LIMD1: variants seen among roughly 807,000 people sequenced by gnomAD.
LIMD1 encodes LIM domain containing 1.
LIMD1 carries 23 observed loss-of-function variants against 58.4 expected under a neutral mutation model. The observed-to-expected ratio is 0.39, with a 90% CI of 0.28 to 0.56. The LOEUF is 0.56. Among genes scored for constraint, LIMD1 ranks in the 20% least tolerant of loss-of-function variants. The pLI is 0.57. For synonymous variants in LIMD1, 334 were observed against 345.5 expected, an observed-to-expected ratio of 0.97 and a Z score of 0.37; for missense variants, 838 against 855.5, an observed-to-expected ratio of 0.98 and a Z score of 0.25.
intron 2 of LIMD1, among the ~76,000 whole-genome samples, chr3:45,637,696 G>A (rs1701802714): frequency 6.6e-6 from 1 of 152,224 alleles, no homozygotes; most frequent in Non-Finnish European, 1.5e-5. Context: ...GGAAGGGGAA[G>A]AACTTGCTCA....
intron 2 of LIMD1, among the ~76,000 whole-genome samples, chr3:45,659,356 TG>T (rs1317829290): frequency 6.6e-6 from 1 of 152,180 alleles, no homozygotes; most frequent in Non-Finnish European, 1.5e-5. Flanking sequence ...AATCCTGAGA[TG>T]GGCTGATCAC....
intron 1 of LIMD1, among the ~76,000 whole-genome samples, chr3:45,597,660 T>C (rs552810056): frequency 3.3e-4 from 51 of 152,306 alleles, no homozygotes; most frequent in South Asian, 6.2e-4. Context: ...TTGACCCCCG[T>C]GTTCCCCATA....
At chr3:45,650,171 C>T (rs189232680) in intron 2 of LIMD1, among the ~76,000 whole-genome samples, 7 of 152,074 alleles carry the variant, frequency 4.6e-5, no homozygotes, top group Admixed American at 2.6e-4. Flanking sequence ...ATGCCCATTT[C>T]GTTATTTAAA....
intron 1 of LIMD1, among the ~76,000 whole-genome samples, chr3:45,614,117 T>G (rs1428212685): frequency 6.6e-6 from 1 of 152,204 alleles, no homozygotes; most frequent in East Asian, 1.9e-4. Flanking sequence ...TTTATTCCTT[T>G]CTTGATAGTG....
chr3:45,634,140 A>G lies in LIMD1; in HGVS notation c.1409-2010A>G, dbSNP rs117199877. 3.0e-3 allele frequency among the ~76,000 whole-genome samples: 451 copies of G among 152,340 alleles called. 14 individuals are homozygous for G. In the East Asian group the frequency reaches 0.055, roughly 19 times the overall value. On this transcript the variant is annotated intron_variant, in intron 1 of 7. Transcript: ENST00000273317. ...TTTGAGACGACCTTTTAAAATCTGT[A>G]AAGTAATGAATGCCTGCTGTCTTAT... is the stretch of plus-strand genomic sequence containing the variant.
intron 7 of LIMD1, among the ~76,000 whole-genome samples, chr3:45,676,398 C>T (rs368166715): frequency 6.6e-6 from 1 of 151,520 alleles, no homozygotes; most frequent in Non-Finnish European, 1.5e-5. Context: ...ATATGTTGTA[C>T]GTGTGCCAGG....
At chr3:45,670,067 T>C (rs2125669937) in intron 4 of LIMD1, among the ~76,000 whole-genome samples, 1 of 152,280 alleles carries the variant, frequency 6.6e-6, no homozygotes, top group South Asian at 2.1e-4. Flanking sequence ...AAGACCTCCC[T>C]GGGAAACGTG....
At chr3:45,663,762 T>A (rs970091835) in intron 2 of LIMD1, among the ~76,000 whole-genome samples, 1 of 151,970 alleles carries the variant, frequency 6.6e-6, no homozygotes, top group African/African-American at 2.4e-5. Context: ...TGAGACAGAG[T>A]CTTGCTCTGT....
chr3:45,656,587 G>A (rs1425722526), intron 2 of LIMD1, among the ~76,000 whole-genome samples: 1 of 151,024 alleles, frequency 6.6e-6, no homozygotes, highest in Non-Finnish European at 1.5e-5. Context: ...GTGCAATCTC[G>A]GCTCACTGCA....
chr3:45,651,337 A>C (rs1418692878), intron 2 of LIMD1, among the ~76,000 whole-genome samples: 2 of 152,064 alleles, frequency 1.3e-5, no homozygotes, highest in African/African-American at 4.8e-5. Context: ...CTTTAGTTTA[A>C]TTAGATCCCA....
rs373483246 is a variant in LIMD1, at chr3:45,604,929, AT to A, written c.1408+8643del. ...GCTCTTTCCATTAACAGTCCAGAAC[AT>A]GAAACGGTTATTTTGACATGATCAT... On this transcript the variant is annotated intron_variant, in intron 1 of 7. Coordinates refer to ENST00000273317, the MANE Select transcript of LIMD1 (RefSeq NM_014240.3). 4.6e-5 allele frequency among the ~76,000 whole-genome samples: 7 copies of A among 152,368 alleles called. No homozygotes were observed. The South Asian group carries it at 1.0e-3, about 23-fold the overall frequency.
Position 45,682,340 on chromosome 3 carries a change from C to G in LIMD1, c.*5281C>G, listed in dbSNP as rs1425920423. The G allele has an allele frequency of 6.6e-6, 1 of 152,174 alleles. No individual in the cohort carries two copies. Among genetic ancestry groups the G allele is most frequent in the African/African-American group, 2.4e-5 (1 of 41,430 alleles). The allele number at this position is 152,174 out of a possible 1,614,324, so 9.4% of individuals were successfully genotyped here. A position where few individuals can be genotyped will look rare whatever the true frequency, so the allele number is the denominator to read the frequency against. ...CCTCTGGGGCAAAAAATTAAAAAGC[C>G]TTGATATGGAGTGTTTGCTGATACC... On this transcript the variant is annotated 3_prime_UTR_variant, in exon 8 of 8. Transcript: ENST00000273317.
In LIMD1 at chr3:45,683,713, C is replaced by T. The variant is rs914566402; in HGVS notation, c.*6654C>T. 2.0e-5 allele frequency: 3 copies of T among 152,190 alleles called. No individual in the cohort carries two copies. Among genetic ancestry groups the T allele is most frequent in the African/African-American group, 7.2e-5 (3 of 41,444 alleles). 9.4% of individuals were successfully genotyped at this position (152,190 alleles called of 1,614,324 possible). ...GAAACCTCTAGAGGGTATTTAAATCCCAGAAAATTCTGTAACCGGGTTCTT... is the reference window on the plus strand; with the variant it reads ...GAAACCTCTAGAGGGTATTTAAATCTCAGAAAATTCTGTAACCGGGTTCTT... On this transcript the variant is annotated 3_prime_UTR_variant, in exon 8 of 8. Transcript: ENST00000273317.
intron 1 of LIMD1, among the ~76,000 whole-genome samples, chr3:45,622,690 A>G (rs1245478951): frequency 6.6e-6 from 1 of 150,564 alleles, no homozygotes; most frequent in African/African-American, 2.4e-5. Context: ...TTTTTTTTAA[A>G]CAGAGTCTCA....
chr3:45,670,834 A>C (rs1697578403), intron 4 of LIMD1, among the ~76,000 whole-genome samples: 1 of 152,180 alleles, frequency 6.6e-6, no homozygotes, highest in African/African-American at 2.4e-5. Flanking sequence ...CTTTTAGTGA[A>C]TGTCTAGACA....
intron 1 of LIMD1, among the ~76,000 whole-genome samples, chr3:45,630,356 C>G (rs1701714999): frequency 6.6e-6 from 1 of 152,186 alleles, no homozygotes; most frequent in Admixed American, 6.5e-5. Flanking sequence ...AAGGGCATGG[C>G]CACAGTGCAG....
Position 45,681,374 on chromosome 3 carries a change from C to G in LIMD1, c.*4315C>G, listed in dbSNP as rs1697740165. On this transcript the variant is annotated 3_prime_UTR_variant, in exon 8 of 8. Coordinates refer to ENST00000273317, the MANE Select transcript of LIMD1 (RefSeq NM_014240.3). ...TAAAAGTACCACATAGGTAGCAAAC[C>G]TGTGAAGGGTATGAGATTTTACCCT... 6.6e-6 allele frequency: 1 copy of G among 152,210 alleles called. No homozygotes were observed. The highest frequency in any genetic ancestry group is 1.5e-5 in the Non-Finnish European group (1 of 68,044). The allele number at this position is 152,210 out of a possible 1,614,324, so 9.4% of individuals were successfully genotyped here. A position where few individuals can be genotyped will look rare whatever the true frequency, so the allele number is the denominator to read the frequency against.
At chr3:45,638,232 A>C (rs1044818577) in intron 2 of LIMD1, among the ~76,000 whole-genome samples, 2 of 152,164 alleles carry the variant, frequency 1.3e-5, no homozygotes, top group Non-Finnish European at 2.9e-5. Context: ...TCTTTGGCAC[A>C]TGTTTGTGTT....
intron 1 of LIMD1, among the ~76,000 whole-genome samples, chr3:45,612,208 C>A (rs1162201434): frequency 1.3e-5 from 2 of 152,104 alleles, no homozygotes; most frequent in African/African-American, 4.8e-5. Flanking sequence ...TCCCAGCCCC[C>A]CGAATAACTG....
Sources: gnomAD v4.1 joint callset for allele counts (sites outside exome capture counted in the v4.1 genomes callset) on GRCh38, gnomAD v4.1.1 for gene constraint, MANE v1.5 for transcripts, NCBI Gene and HGNC (gene_info 2026-07-23, HGNC 2026-07-21) for gene names.